NR3C2: variants seen among roughly 807,000 people sequenced by gnomAD.
NR3C2 encodes the protein mineralocorticoid receptor.
A neutral mutation model predicts 86.4 loss-of-function variants in NR3C2; 15 were observed. The ratio of observed to expected loss-of-function variants is 0.17; its 90% confidence interval spans 0.12 to 0.27. The LOEUF (loss-of-function observed/expected upper bound fraction) is 0.27, where lower values mean the gene tolerates loss of function less well. NR3C2 is among the 10% of genes least tolerant of loss of function. The pLI is 1.00. For synonymous variants in NR3C2, 458 were observed against 450.5 expected (o/e 1.02, Z -0.21); for missense variants, 960 against 1,195.6 (o/e 0.80, Z 2.91).
chr4:148,412,878 G>A (rs1170797646), intron 2 of NR3C2, among the ~76,000 whole-genome samples: 2 of 152,048 alleles, frequency 1.3e-5, no homozygotes, highest in Non-Finnish European at 1.5e-5. Flanking sequence ...GGATGACTGA[G>A]TGTCCCATCA....
intron 3 of NR3C2, among the ~76,000 whole-genome samples, chr4:148,203,614 T>C (rs1448222025): frequency 6.6e-6 from 1 of 151,944 alleles, no homozygotes; most frequent in East Asian, 1.9e-4. Flanking sequence ...AATTCCCGCA[T>C]TGCAGATTCT....
intron 2 of NR3C2, among the ~76,000 whole-genome samples, chr4:148,321,478 T>G (rs1226020510): frequency 6.6e-6 from 1 of 151,710 alleles, no homozygotes; most frequent in East Asian, 1.9e-4. Context: ...GACAGTGGGG[T>G]GTTAAAATCT....
intron 2 of NR3C2, among the ~76,000 whole-genome samples, chr4:148,301,615 A>T (rs1212780139): frequency 6.6e-6 from 1 of 152,232 alleles, no homozygotes; most frequent in African/African-American, 2.4e-5. Flanking sequence ...TCTTTAGCAA[A>T]ATTGTTAAAG....
At chr4:148,340,951 TC>T (rs772824855) in intron 2 of NR3C2, among the ~76,000 whole-genome samples, 10 of 151,478 alleles carry the variant, frequency 6.6e-5, no homozygotes, top group Non-Finnish European at 1.3e-4. Flanking sequence ...ATGGCTTTTA[TC>T]AAAAAGACAA....
intron 2 of NR3C2, among the ~76,000 whole-genome samples, chr4:148,326,710 G>A (rs1303088426): frequency 6.6e-6 from 1 of 151,846 alleles, no homozygotes; most frequent in East Asian, 1.9e-4. Flanking sequence ...AAATTTAAAT[G>A]ATACATTAGA....
intron 2 of NR3C2, among the ~76,000 whole-genome samples, chr4:148,296,899 T>C (rs552723600): frequency 4.6e-5 from 7 of 152,338 alleles, no homozygotes; most frequent in African/African-American, 1.4e-4. Flanking sequence ...GGAAAACACT[T>C]TCTTTGTTTT....
At chr4:148,423,447 T>C (rs1749378353) in intron 2 of NR3C2, among the ~76,000 whole-genome samples, 1 of 152,184 alleles carries the variant, frequency 6.6e-6, no homozygotes, top group African/African-American at 2.4e-5. Context: ...TACTGAAATC[T>C]TCACCTCCTG....
intron 6 of NR3C2, among the ~76,000 whole-genome samples, chr4:148,147,532 G>C (rs1189841966): frequency 6.6e-6 from 1 of 152,216 alleles, no homozygotes; most frequent in Non-Finnish European, 1.5e-5. Context: ...AGCTGCTAGA[G>C]ATTCAGAAAT....
intron 4 of NR3C2, among the ~76,000 whole-genome samples, chr4:148,162,629 G>C (rs959077621): frequency 2.0e-5 from 3 of 152,186 alleles, no homozygotes; most frequent in Non-Finnish European, 4.4e-5. Context: ...CTCAAGGCCT[G>C]GCTGGTTTTG....
chr4:148,361,422 G>C (rs557245164), intron 2 of NR3C2, among the ~76,000 whole-genome samples: 37 of 152,296 alleles, frequency 2.4e-4, no homozygotes, highest in African/African-American at 8.9e-4. Flanking sequence ...TCATTAGACA[G>C]GACTTTGAAG....
intron 2 of NR3C2, among the ~76,000 whole-genome samples, chr4:148,293,949 G>A (rs1741917582): frequency 6.6e-6 from 1 of 152,134 alleles, no homozygotes. Context: ...TGTGGGGACA[G>A]GGCCCATCTT....
chr4:148,308,770 G>A (rs1435840194), intron 2 of NR3C2, among the ~76,000 whole-genome samples: 3 of 152,218 alleles, frequency 2.0e-5, no homozygotes, highest in South Asian at 2.1e-4. Context: ...CGGCTTGCTC[G>A]AGCTCAGGAG....
At chr4:148,147,471 T>C (rs1013730458) in intron 6 of NR3C2, among the ~76,000 whole-genome samples, 1 of 152,264 alleles carries the variant, frequency 6.6e-6, no homozygotes, top group African/African-American at 2.4e-5. Context: ...CAATAATTCA[T>C]TTATTCAGCA....
At chr4:148,366,768 T>A (rs1746163525) in intron 2 of NR3C2, among the ~76,000 whole-genome samples, 1 of 152,010 alleles carries the variant, frequency 6.6e-6, no homozygotes, top group African/African-American at 2.4e-5. Flanking sequence ...AAGCTAAAAT[T>A]ACCCCCCCAA....
intron 2 of NR3C2, among the ~76,000 whole-genome samples, chr4:148,261,316 AGCGCTATGGT>A (rs1740100653): frequency 6.6e-6 from 1 of 150,694 alleles, no homozygotes; most frequent in Non-Finnish European, 1.5e-5. Flanking sequence ...CGCTATGGTA[AGCGCTATGGT>A]GCGCTATGGT....
chr4:148,134,730 C>T (rs1040604059), intron 6 of NR3C2, among the ~76,000 whole-genome samples: 5 of 147,958 alleles, frequency 3.4e-5, no homozygotes, highest in African/African-American at 1.2e-4. Context: ...CTCACTGCAA[C>T]CTGTGCCTCC....
chr4:148,280,015 G>A (rs556117907), intron 2 of NR3C2, among the ~76,000 whole-genome samples: 4 of 152,206 alleles, frequency 2.6e-5, no homozygotes, highest in Admixed American at 1.3e-4. Context: ...ATGAACCATC[G>A]TGCCCAGCCT....
At chr4:148,145,520 T>A (rs931479631) in intron 6 of NR3C2, among the ~76,000 whole-genome samples, 1 of 152,348 alleles carries the variant, frequency 6.6e-6, no homozygotes, top group Admixed American at 6.5e-5. Flanking sequence ...AAACTTTCAC[T>A]CCTGCTGTGT....
intron 2 of NR3C2, among the ~76,000 whole-genome samples, chr4:148,367,339 C>T (rs781651999): frequency 2.0e-5 from 3 of 152,062 alleles, no homozygotes; most frequent in Non-Finnish European, 2.9e-5. Flanking sequence ...ATTGCTCTAT[C>T]GGTCTATGTC....
Sources: allele counts gnomAD v4.1 joint callset (sites outside exome capture counted in the v4.1 genomes callset), GRCh38; gene constraint gnomAD v4.1.1; transcripts MANE v1.5; gene names NCBI Gene and HGNC (gene_info 2026-07-23, HGNC 2026-07-21).